Variants in KCNQ1 observed in about 807,000 individuals in gnomAD.
The protein encoded by KCNQ1 is potassium voltage-gated channel subfamily KQT member 1.
KCNQ1 carries 49 observed loss-of-function variants against 72.4 expected under a neutral mutation model. The ratio of observed to expected loss-of-function variants is 0.68; its 90% CI spans 0.54 to 0.86. The LOEUF (loss-of-function observed/expected upper bound fraction) is 0.86. KCNQ1 is among the 40% of genes least tolerant of loss of function. The pLI is 0.00. For synonymous variants in KCNQ1, 450 were observed against 412.6 expected, an observed-to-expected ratio of 1.09 and a Z score of -1.10; for missense variants, 790 against 945.1, an observed-to-expected ratio of 0.84 and a Z score of 2.15.
chr11:2,623,317 C>T lies in KCNQ1; in HGVS notation c.1393+34463C>T, dbSNP rs1028398208. ...GTAGTTCTTTATAGCACTGTGAGAA[C>T]GGACTAATATGCATGTATCTACCAT... On this transcript the variant is annotated intron_variant, in intron 10 of 15. Coordinates refer to ENST00000155840, the MANE Select transcript of KCNQ1 (RefSeq NM_000218.3). This position sits in a 1 kb window ranked among gnomAD's most constrained non-coding sequence, Gnocchi z 5.2. The T allele has an allele frequency of 6.5e-5, 26 of 398,550 alleles. No individual in the cohort carries two copies. The highest frequency in any genetic ancestry group is 4.0e-4 in the Admixed American group (9 of 22,706). 24.7% of individuals were successfully genotyped at this position (398,550 alleles called of 1,614,324 possible). A position where few individuals can be genotyped will look rare whatever the true frequency, so the allele number is the denominator to read the frequency against.
intron 12 of KCNQ1, among the ~76,000 whole-genome samples, chr11:2,771,046 G>T (rs149555613): frequency 6.6e-6 from 1 of 152,272 alleles, no homozygotes; most frequent in African/African-American, 2.4e-5. Context: ...GGGACACAGG[G>T]AGCCTCCCAG....
chr11:2,695,094 T>C lies in KCNQ1; in HGVS notation c.1514+33013T>C, dbSNP rs1850652018. 1 of 398,684 alleles carries C rather than the reference T, an allele frequency of 2.5e-6. No individual in the cohort carries two copies. The highest frequency in any genetic ancestry group is 4.4e-6 in the Non-Finnish European group (1 of 226,100). 24.7% of individuals were successfully genotyped at this position (398,684 alleles called of 1,614,324 possible). ...TTTATTTCCTAGAAATAGAAGCCAC[T>C]AGAGGGTATCTGGCAGGAGAGTCAT... On this transcript the variant is annotated intron_variant, in intron 11 of 15. Coordinates refer to ENST00000155840, the MANE Select transcript of KCNQ1 (RefSeq NM_000218.3). This position sits in a 1 kb window ranked among gnomAD's most constrained non-coding sequence, Gnocchi z 5.2.
In KCNQ1 at chr11:2,817,600, G is replaced by A. The variant is rs1421867476; in HGVS notation, c.1795-30167G>A. ...GATGTCCCTGGCCAGGGAGGTGGAGGACGCTGGGCAGAGCCCTGGGCATTA... is the reference window on the plus strand; with the variant it reads ...GATGTCCCTGGCCAGGGAGGTGGAGAACGCTGGGCAGAGCCCTGGGCATTA... On this transcript the variant is annotated intron_variant, in intron 15 of 15. Transcript: ENST00000155840. The surrounding 1 kb of genome is among the most constrained non-coding windows in gnomAD (Gnocchi z 6.1). 7.4e-6 allele frequency among the ~76,000 whole-genome samples: 1 copy of A among 135,298 alleles called. No individual in the cohort carries two copies. The allele number at this position is 135,298 out of a possible 152,430, so 88.8% of individuals were successfully genotyped here.
chr11:2,673,130 A>AG lies in KCNQ1; in HGVS notation c.1514+11053dup, dbSNP rs1850216658. 1 of 398,780 alleles carries AG rather than the reference A, an allele frequency of 2.5e-6. No homozygotes were observed. The highest frequency in any genetic ancestry group is 2.1e-5 in the African/African-American group (1 of 48,642). The allele number at this position is 398,780 out of a possible 1,614,324, so 24.7% of individuals were successfully genotyped here. On this transcript the variant is annotated intron_variant, in intron 11 of 15. Coordinates refer to ENST00000155840, the MANE Select transcript of KCNQ1 (RefSeq NM_000218.3). The surrounding 1 kb of genome is among the most constrained non-coding windows in gnomAD (Gnocchi z 4.5). The stretch of plus-strand genomic sequence containing the variant: ...AGACCCCAGCAGGCAGCATCAGGGC[A>AG]GGGGTGCTGACCATCCCTGACCCAA...
At chr11:2,520,494 C>T (rs1847363647) in intron 1 of KCNQ1, among the ~76,000 whole-genome samples, 1 of 152,096 alleles carries the variant, frequency 6.6e-6, no homozygotes, top group African/African-American at 2.4e-5. Context: ...TGCCTGCTGA[C>T]AGCCACTGGT....
chr11:2,510,089 G>A (rs564340210), intron 1 of KCNQ1, among the ~76,000 whole-genome samples: 2 of 151,760 alleles, frequency 1.3e-5, no homozygotes, highest in Admixed American at 6.6e-5. Context: ...GGGCAACATA[G>A]CAAGACCCCA....
rs1164358309 is a variant in KCNQ1 at position 2,498,443 on chromosome 11, G to A, written c.387-29485G>A. ...CTCAGCTGCTTTGCTGTGCTTTGGT[G>A]AATTCTGCCCAGTCCAAGCCTCCCA... On this transcript the variant is annotated intron_variant, in intron 1 of 15. Transcript: ENST00000155840. The surrounding 1 kb of genome is among the most constrained non-coding windows in gnomAD (Gnocchi z 4.8). 3.3e-5 allele frequency among the ~76,000 whole-genome samples: 5 copies of A among 152,240 alleles called. No homozygotes were observed. The highest frequency in any genetic ancestry group is 2.1e-4 in the South Asian group (1 of 4,828).
At chr11:2,456,799 C>CT (rs1564786013) in intron 1 of KCNQ1, among the ~76,000 whole-genome samples, 189 of 137,016 alleles carry the variant, frequency 1.4e-3, no homozygotes, top group African/African-American at 4.5e-3. Flanking sequence ...ATTAGCCGGG[C>CT]GTGGGGGTGG....
chr11:2,752,788 C>A lies in KCNQ1; in HGVS notation c.1515-16056C>A, dbSNP rs1056991783. Among the ~76,000 whole-genome samples, 2 of 152,190 alleles carry A rather than the reference C, an allele frequency of 1.3e-5. No homozygotes were observed. The highest frequency in any genetic ancestry group is 4.1e-4 in the South Asian group (2 of 4,826). The stretch of plus-strand genomic sequence containing the variant: ...CTTTGGGAAGACACACACATTCAGA[C>A]TACAGCACCTTGCTCCTGGGGAAAC... On this transcript the variant is annotated intron_variant, in intron 11 of 15. Transcript: ENST00000155840. This position sits in a 1 kb window ranked among gnomAD's most constrained non-coding sequence, Gnocchi z 5.2.
intron 1 of KCNQ1, among the ~76,000 whole-genome samples, chr11:2,459,952 C>T (rs894381744): frequency 9.9e-5 from 15 of 152,108 alleles, no homozygotes; most frequent in Non-Finnish European, 1.6e-4. Context: ...GTCTTTCAGA[C>T]AAACTGAATT....
chr11:2,640,768 T>C, intron 10 of KCNQ1: 1 of 398,558 alleles, frequency 2.5e-6, no homozygotes, highest in South Asian at 1.3e-4. Context: ...TCAAACATTA[T>C]AAATTATTTA....
chr11:2,623,235 A>G lies in KCNQ1; in HGVS notation c.1393+34381A>G, dbSNP rs2133806788. The G allele has an allele frequency of 5.0e-6, 2 of 398,746 alleles. No individual in the cohort carries two copies. Among genetic ancestry groups the G allele is most frequent in the South Asian group, 2.5e-4 (2 of 7,856 alleles). The allele number at this position is 398,746 out of a possible 1,614,324, so 24.7% of individuals were successfully genotyped here. ...GGCCTGCCAGCCATGCTTACTGTAC[A>G]GCCTACAAAACTGTGAGTCAATTAA... On this transcript the variant is annotated intron_variant, in intron 10 of 15. Transcript: ENST00000155840. The surrounding 1 kb of genome is among the most constrained non-coding windows in gnomAD (Gnocchi z 5.2).
At chr11:2,743,846 C>T (rs1466009307) in intron 11 of KCNQ1, among the ~76,000 whole-genome samples, 1 of 152,222 alleles carries the variant, frequency 6.6e-6, no homozygotes, top group Admixed American at 6.5e-5. Context: ...TCACAGGCAG[C>T]GGGTTCTTCT....
At chr11:2,689,514 T>C (rs1032597531) in intron 11 of KCNQ1, 2 of 398,690 alleles carry the variant, frequency 5.0e-6, no homozygotes, top group Non-Finnish European at 8.8e-6. Flanking sequence ...CCTTGTTTTA[T>C]GGTCCCTGTC....
chr11:2,517,621 G>A (rs1204915501), intron 1 of KCNQ1, among the ~76,000 whole-genome samples: 1 of 152,222 alleles, frequency 6.6e-6, no homozygotes, highest in East Asian at 1.9e-4. Context: ...CCCCCTGGCA[G>A]GATCCCCACC....
Position 2,457,540 on chromosome 11 carries a change from C to T in KCNQ1, c.386+12056C>T, listed in dbSNP as rs77242379. On this transcript the variant is annotated intron_variant, in intron 1 of 15. Coordinates refer to ENST00000155840, the MANE Select transcript of KCNQ1 (RefSeq NM_000218.3). This position sits in a 1 kb window ranked among gnomAD's most constrained non-coding sequence, Gnocchi z 5.0. Reference sequence around the variant, plus strand: ...TGCAGAAACTGAAAACCAAATACTGCGTGGTCTCATGGATTATAAGTGAGG... The same window carrying T: ...TGCAGAAACTGAAAACCAAATACTGTGTGGTCTCATGGATTATAAGTGAGG... Among the ~76,000 whole-genome samples, 4 of 151,780 alleles carry T rather than the reference C, an allele frequency of 2.6e-5. No individual in the cohort carries two copies. Among genetic ancestry groups the T allele is most frequent in the African/African-American group, 7.3e-5 (3 of 41,196 alleles).
intron 15 of KCNQ1, among the ~76,000 whole-genome samples, chr11:2,790,414 A>G (rs1416309657): frequency 1.3e-5 from 2 of 152,118 alleles, no homozygotes; most frequent in Non-Finnish European, 1.5e-5. Context: ...ACTCTTGGTT[A>G]CCCATGGGAC....
chr11:2,794,815 A>T (rs936045729), intron 15 of KCNQ1, among the ~76,000 whole-genome samples: 2 of 152,000 alleles, frequency 1.3e-5, no homozygotes, highest in Non-Finnish European at 2.9e-5. Flanking sequence ...AGAACCACAT[A>T]CCTGTTCTTC....
In KCNQ1 at chr11:2,803,315, C is replaced by G. The variant is rs1418051180; in HGVS notation, c.1794+25278C>G. The stretch of plus-strand genomic sequence containing the variant: ...GAGTCAGCAAGGGCTTCCTGGGGGC[C>G]CAGGTCAGCCTGGACGGTGGCAGGA... On this transcript the variant is annotated intron_variant, in intron 15 of 15. Coordinates refer to ENST00000155840, the MANE Select transcript of KCNQ1 (RefSeq NM_000218.3). This position sits in a 1 kb window ranked among gnomAD's most constrained non-coding sequence, Gnocchi z 6.4. Among the ~76,000 whole-genome samples the G allele has an allele frequency of 1.3e-5, 2 of 152,158 alleles. No homozygotes were observed. The highest frequency in any genetic ancestry group is 4.8e-5 in the African/African-American group (2 of 41,426).
Sources: gnomAD v4.1 joint callset for allele counts (sites outside exome capture counted in the v4.1 genomes callset) on GRCh38, gnomAD v4.1.1 for gene constraint, Gnocchi (gnomAD v3.1) non-coding constraint, MANE v1.5 for transcripts, NCBI Gene and HGNC (gene_info 2026-07-23, HGNC 2026-07-21) for gene names.